The following PCDH9 variants were observed in gnomAD, a reference collection of about 807,000 sequenced individuals.
The protein encoded by PCDH9 is protocadherin 9.
A neutral mutation model predicts 70.6 loss-of-function variants in PCDH9; 24 were observed. The observed-to-expected ratio is 0.34, with a 90% CI of 0.25 to 0.48. The LOEUF (loss-of-function observed/expected upper bound fraction) is 0.48. Ranked by LOEUF, PCDH9 falls within the 20% of genes least tolerant of loss-of-function variation. PCDH9 has a pLI of 0.99. For synonymous variants in PCDH9, 562 were observed against 558.5 expected, an observed-to-expected ratio of 1.01 and a Z score of -0.09; for missense variants, 1,281 against 1,503.6, an observed-to-expected ratio of 0.85 and a Z score of 2.45.
At chr13:66,486,744 A>G (rs1958951142) in intron 4 of PCDH9, among the ~76,000 whole-genome samples, 1 of 152,032 alleles carries the variant, frequency 6.6e-6, no homozygotes, top group South Asian at 2.1e-4. Flanking sequence ...CATGTTTCTA[A>G]TTTAAGGTTA....
chr13:66,413,282 T>G (rs1957401976), intron 4 of PCDH9, among the ~76,000 whole-genome samples: 1 of 152,228 alleles, frequency 6.6e-6, no homozygotes, highest in Non-Finnish European at 1.5e-5. Context: ...AATAGCTTTA[T>G]AATTAAGACA....
chr13:66,999,012 C>T (rs1200753277), intron 2 of PCDH9, among the ~76,000 whole-genome samples: 1 of 152,188 alleles, frequency 6.6e-6, no homozygotes, highest in Admixed American at 6.5e-5. Context: ...GCTCAGAGTC[C>T]TTTGCCATCA....
intron 4 of PCDH9, among the ~76,000 whole-genome samples, chr13:66,490,031 G>A (rs1365786198): frequency 6.6e-6 from 1 of 152,168 alleles, no homozygotes; most frequent in Admixed American, 6.5e-5. Context: ...TGCACAACGT[G>A]CAGATTTGTT....
intron 2 of PCDH9, among the ~76,000 whole-genome samples, chr13:67,063,486 C>T (rs1326460144): frequency 6.6e-6 from 1 of 150,482 alleles, no homozygotes; most frequent in African/African-American, 2.5e-5. Flanking sequence ...ATTTAGCTTA[C>T]TAAATGAATC....
chr13:66,782,357 T>A (rs1448400658), intron 3 of PCDH9, among the ~76,000 whole-genome samples: 1 of 152,076 alleles, frequency 6.6e-6, no homozygotes, highest in Non-Finnish European at 1.5e-5. Context: ...GCAGGAGAGA[T>A]AGCTGTCAGC....
chr13:67,183,644 T>TA (rs2088674511), intron 2 of PCDH9, among the ~76,000 whole-genome samples: 1 of 152,186 alleles, frequency 6.6e-6, no homozygotes, highest in Non-Finnish European at 1.5e-5. Context: ...TTGTTTAAGG[T>TA]AAAGGACCAA....
chr13:66,768,876 T>A (rs2079759977), intron 3 of PCDH9, among the ~76,000 whole-genome samples: 1 of 151,976 alleles, frequency 6.6e-6, no homozygotes, highest in African/African-American at 2.4e-5. Flanking sequence ...TTAATAAAGA[T>A]AACAAACAGG....
intron 2 of PCDH9, among the ~76,000 whole-genome samples, chr13:67,026,558 G>T: frequency 6.6e-6 from 1 of 151,980 alleles, no homozygotes; most frequent in East Asian, 1.9e-4. Context: ...TGGAAGTTCT[G>T]GCCAGGGCAA....
chr13:67,159,204 T>G (rs993690681), intron 2 of PCDH9, among the ~76,000 whole-genome samples: 2 of 152,102 alleles, frequency 1.3e-5, no homozygotes, highest in Admixed American at 1.3e-4. Context: ...GGTTGCCCTA[T>G]AAGGTGACAG....
At position 66,304,564 on chromosome 13, in the gene PCDH9, T is replaced by C; in HGVS notation, c.*91A>G. Reference sequence around the variant, plus strand: ...ATAGGTATCCCTGCTAGAAGGGGCATAGTTGTAGAGATCTATTGAATACAT... The same window carrying C: ...ATAGGTATCCCTGCTAGAAGGGGCACAGTTGTAGAGATCTATTGAATACAT... On this transcript the variant is annotated 3_prime_UTR_variant, in exon 5 of 5. Coordinates refer to ENST00000377865, the MANE Select transcript of PCDH9 (RefSeq NM_203487.3). The C allele has an allele frequency of 1.0e-6, 1 of 982,244 alleles. No individual in the cohort carries two copies. Among genetic ancestry groups the C allele is most frequent in the Non-Finnish European group, 1.6e-6 (1 of 641,432 alleles). 60.8% of individuals were successfully genotyped at this position (982,244 alleles called of 1,614,324 possible).
intron 2 of PCDH9, among the ~76,000 whole-genome samples, chr13:67,110,213 A>C (rs547076219): frequency 3.9e-4 from 59 of 151,952 alleles, no homozygotes; most frequent in African/African-American, 1.4e-3. Flanking sequence ...TAAAAAAAAA[A>C]CAAAAAACAA....
intron 2 of PCDH9, among the ~76,000 whole-genome samples, chr13:67,013,296 C>CACACAA (rs3222113): frequency 2.0e-5 from 3 of 151,180 alleles, no homozygotes; most frequent in Admixed American, 6.6e-5. Flanking sequence ...CACACACACA[C>CACACAA]AATCCTACAC....
chr13:66,909,041 T>C (rs930894252), intron 2 of PCDH9, among the ~76,000 whole-genome samples: 1 of 152,138 alleles, frequency 6.6e-6, no homozygotes, highest in African/African-American at 2.4e-5. Context: ...CCTGTATCTA[T>C]AGTATACAGA....
chr13:67,061,884 G>A (rs957101946), intron 2 of PCDH9, among the ~76,000 whole-genome samples: 1 of 152,090 alleles, frequency 6.6e-6, no homozygotes, highest in Non-Finnish European at 1.5e-5. Flanking sequence ...AAGGCAAAAG[G>A]ACTGAAATAA....
At chr13:66,818,661 G>A (rs929685359) in intron 3 of PCDH9, among the ~76,000 whole-genome samples, 48 of 152,094 alleles carry the variant, frequency 3.2e-4, no homozygotes, top group African/African-American at 1.0e-3. Context: ...GGCCAGGTGC[G>A]GTGGCTCACG....
intron 3 of PCDH9, among the ~76,000 whole-genome samples, chr13:66,841,040 G>A (rs1191039181): frequency 2.0e-5 from 3 of 152,126 alleles, no homozygotes; most frequent in Admixed American, 6.6e-5. Context: ...GTTGCCTCAT[G>A]AGCAGCTTAA....
intron 4 of PCDH9, among the ~76,000 whole-genome samples, chr13:66,394,768 T>C (rs1239828507): frequency 5.3e-5 from 8 of 152,218 alleles, no homozygotes; most frequent in South Asian, 2.1e-4. Flanking sequence ...TAGATGATGA[T>C]ATTTCTTGAG....
At chr13:66,491,384 A>G (rs1192325608) in intron 4 of PCDH9, among the ~76,000 whole-genome samples, 5 of 19,014 alleles carry the variant, frequency 2.6e-4, no homozygotes, top group African/African-American at 6.7e-4. Flanking sequence ...GGCAGGAGAT[A>G]TTGTGTGTGT....
intron 3 of PCDH9, among the ~76,000 whole-genome samples, chr13:66,639,433 T>C (rs2077681265): frequency 6.6e-6 from 1 of 152,230 alleles, no homozygotes; most frequent in Admixed American, 6.5e-5. Flanking sequence ...CTCCCTGTGG[T>C]AGAGAACTCA....
Sources: allele counts gnomAD v4.1 joint callset (sites outside exome capture counted in the v4.1 genomes callset), GRCh38; gene constraint gnomAD v4.1.1; transcripts MANE v1.5; gene names NCBI Gene and HGNC (gene_info 2026-07-23, HGNC 2026-07-21).